PLK1: variants seen among roughly 807,000 people sequenced by gnomAD.
The protein encoded by PLK1 is serine/threonine-protein kinase PLK1.
In PLK1, 6 loss-of-function variants were observed where a neutral mutation model predicts 56.7. The observed-to-expected ratio is 0.11, with a 90% CI of 0.06 to 0.21. The LOEUF is 0.21. Ranked by LOEUF, PLK1 falls within the 10% of genes least tolerant of loss-of-function variation. The pLI is 1.00. For missense variants in PLK1, 546 were observed against 814.4 expected (o/e 0.67, Z 4.01); for synonymous variants, 298 against 325.0 (o/e 0.92, Z 0.89).
Position 23,690,159 on chromosome 16 carries a change from C to A in PLK1, c.*96C>A. 2.2e-6 allele frequency: 2 copies of A among 917,914 alleles called. No homozygotes were observed. Among genetic ancestry groups the A allele is most frequent in the Non-Finnish European group, 1.7e-6 (1 of 573,544 alleles). The allele number at this position is 917,914 out of a possible 1,614,324, so 56.9% of individuals were successfully genotyped here. A position where few individuals can be genotyped will look rare whatever the true frequency, so the allele number is the denominator to read the frequency against. On this transcript the variant is annotated 3_prime_UTR_variant, in exon 10 of 10. Coordinates refer to ENST00000300093, the MANE Select transcript of PLK1 (RefSeq NM_005030.6). ...CCCGCGGTGCCATGTCTGCAGTGTG[C>A]CCCCCAGCCCCGGTGGCTGGGCAGA...
chr16:23,682,779 G>A (rs1335233023), intron 4 of PLK1, among the ~76,000 whole-genome samples: 6 of 147,044 alleles, frequency 4.1e-5, no homozygotes, highest in East Asian at 2.1e-4. Context: ...TGATCCACCC[G>A]CCTTGGCCTC....
Position 23,683,892 on chromosome 16 carries a change from C to T in PLK1, c.839C>T (p.Ser280Phe). 3.1e-6 allele frequency: 5 copies of T among 1,614,100 alleles called. No homozygotes were observed. Among genetic ancestry groups the T allele is most frequent in the South Asian group, 2.2e-5 (2 of 91,084 alleles). The change falls in exon 5 of 10, where the codon TCC becomes TTC. Residue 280 changes from serine to phenylalanine, a missense_variant. By Grantham distance (155) the Ser-to-Phe change is radical (BLOSUM62 -2). Coordinates refer to ENST00000300093, the MANE Select transcript of PLK1 (RefSeq NM_005030.6). ...CAGCACATCAACCCCGTGGCCGCCT[C>T]CCTCATCCAGAAGATGCTTCAGACA... ...IPKHINPVAA[S>F]LIQKMLQTDP...
rs1232619224 is a variant in PLK1 at position 23,689,640 on chromosome 16, C to T, written c.1572C>T (p.His524=). 1.5e-5 allele frequency: 24 copies of T among 1,611,172 alleles called. No homozygotes were observed. Among genetic ancestry groups the T allele is most frequent in the Non-Finnish European group, 1.9e-5 (22 of 1,178,822 alleles). ...GCACCCGCAGCGCCATCATCCTGCACCTCAGCAACGGCAGCGTGCAGATCA... is the reference window on the plus strand; with the variant it reads ...GCACCCGCAGCGCCATCATCCTGCATCTCAGCAACGGCAGCGTGCAGATCA... ...WFRTRSAIIL[H]LSNGSVQINF... Residue 524 remains histidine (H), a synonymous_variant, in exon 9 of 10, where the codon CAC becomes CAT. Coordinates refer to ENST00000300093, the MANE Select transcript of PLK1 (RefSeq NM_005030.6). This position sits in a 1 kb window ranked among gnomAD's most constrained non-coding sequence, Gnocchi z 4.8.
chr16:23,688,554 G>A (rs1959468114), intron 6 of PLK1, 114 bp from the exon 7 acceptor site: 2 of 833,258 alleles, frequency 2.4e-6, no homozygotes, highest in Middle Eastern at 4.9e-4. Flanking sequence ...TCTCAACTGA[G>A]CCCAGGTGGG....
At chr16:23,685,548 A>G (rs756326073) in intron 5 of PLK1, among the ~76,000 whole-genome samples, 2 of 152,068 alleles carry the variant, frequency 1.3e-5, no homozygotes, top group African/African-American at 2.4e-5. Context: ...CTCTACTAAA[A>G]ATACAAAAGA....
chr16:23,681,201 C>A, intron 3 of PLK1, 143 bp downstream of exon 3: 1 of 752,302 alleles, frequency 1.3e-6, no homozygotes, highest in Non-Finnish European at 2.3e-6. Flanking sequence ...CCAAACAAAG[C>A]CTAATTGTCA....
Position 23,689,383 on chromosome 16 carries a change from G to T in PLK1, c.1416G>T (p.Leu472Phe). Residue 472 changes from leucine (L) to phenylalanine (F), a missense_variant, in exon 8 of 10, where the codon TTG becomes TTT. Leu to Phe is a conservative substitution (Grantham distance 22). Transcript: ENST00000300093. This position sits in a 1 kb window ranked among gnomAD's most constrained non-coding sequence, Gnocchi z 4.8. Reference protein sequence around the residue: ...YLTVSSHPNSLMKKITLLKYF... With the variant: ...YLTVSSHPNSFMKKITLLKYF... ...CCGTGAGTTCCCATCCCAACTCCTT[G>T]ATGAAGAAGGTGAGTGCCGTCCGGC... The T allele has an allele frequency of 3.1e-6, 5 of 1,609,444 alleles. No homozygotes were observed. Among genetic ancestry groups the T allele is most frequent in the Non-Finnish European group, 4.3e-6 (5 of 1,175,972 alleles).
At position 23,684,295 on chromosome 16, in the gene PLK1, C is replaced by A. The variant is rs369996744; in HGVS notation, c.1036+206C>A. 2.6e-5 allele frequency among the ~76,000 whole-genome samples: 4 copies of A among 152,158 alleles called. No individual in the cohort carries two copies. The East Asian group carries it at 5.8e-4, about 22-fold the overall frequency. On this transcript the variant is annotated intron_variant, in intron 5 of 9. Coordinates refer to ENST00000300093, the MANE Select transcript of PLK1 (RefSeq NM_005030.6). ...CCATGGCTGGATAAACGTACCATGC[C>A]CAAGAAGAAGAAAATGGATTGAATG...
In PLK1 at chr16:23,689,029, T is replaced by C. The variant is rs1170585179; in HGVS notation, c.1271-209T>C. Among the ~76,000 whole-genome samples the C allele has an allele frequency of 6.6e-6, 1 of 152,160 alleles. No homozygotes were observed. The highest frequency in any genetic ancestry group is 2.1e-4 in the South Asian group (1 of 4,826). ...CCCTAAGTAGCTGTGACTACAGGCG[T>C]GCACCATTATGCTCAGCTAATTTTT... is the stretch of plus-strand genomic sequence containing the variant. On this transcript the variant is annotated intron_variant, in intron 7 of 9. Transcript: ENST00000300093. This position sits in a 1 kb window ranked among gnomAD's most constrained non-coding sequence, Gnocchi z 4.8.
chr16:23,680,020 C>A, intron 1 of PLK1, 64 bp from the exon 2 acceptor site: 2 of 1,193,918 alleles, frequency 1.7e-6, no homozygotes, highest in Non-Finnish European at 2.5e-6. Flanking sequence ...TGGTAACCCT[C>A]TCCCTTCCCC....
In PLK1 at chr16:23,689,889, G is replaced by A. The variant is rs1195372058; in HGVS notation, c.1638G>A (p.Leu546=). 2 of 1,614,100 alleles carry A rather than the reference G, an allele frequency of 1.2e-6. No homozygotes were observed. The highest frequency in any genetic ancestry group is 1.7e-6 in the Non-Finnish European group (2 of 1,179,980). The part of the protein sequence containing the change: ...QDHTKLILCP[L]MAAVTYIDEK... ...ACACCAAGCTCATCTTGTGCCCACTGATGGCAGCCGTGACCTACATCGACG... is the reference window on the plus strand; with the variant it reads ...ACACCAAGCTCATCTTGTGCCCACTAATGGCAGCCGTGACCTACATCGACG... Residue 546 remains leucine, a synonymous_variant, in exon 10 of 10, where the codon CTG becomes CTA. Coordinates refer to ENST00000300093, the MANE Select transcript of PLK1 (RefSeq NM_005030.6). The surrounding 1 kb of genome is among the most constrained non-coding windows in gnomAD (Gnocchi z 4.8).
intron 5 of PLK1, 51 bp from the exon 6 acceptor site, chr16:23,687,418 C>CA: frequency 7.0e-7 from 1 of 1,422,708 alleles, no homozygotes; most frequent in Non-Finnish European, 9.4e-7. Context: ...TCAGCTGTGG[C>CA]AGGGGAGTCC....
Position 23,678,973 on chromosome 16 carries a change from C to T in PLK1, c.41C>T (p.Pro14Leu). ...ACTGCAGGGAAGCTGGCACGGGCAC[C>T]GGCCGACCCTGGGAAAGCCGGGGTC... ...AVTAGKLARA[P>L]ADPGKAGVPG... is the part of the protein sequence containing the mutation. Residue 14 changes from proline (P) to leucine (L), a missense_variant, in exon 1 of 10, where the codon CCG (proline) becomes CTG (leucine). Coordinates refer to ENST00000300093, the MANE Select transcript of PLK1 (RefSeq NM_005030.6). 3 of 1,587,118 alleles carry T rather than the reference C, an allele frequency of 1.9e-6. No individual in the cohort carries two copies. Among genetic ancestry groups the T allele is most frequent in the Non-Finnish European group, 2.6e-6 (3 of 1,167,338 alleles).
Position 23,679,256 on chromosome 16 carries a change from C to T in PLK1, c.324C>T (p.Leu108=), listed in dbSNP as rs143500319. Residue 108 remains leucine, a synonymous_variant, in exon 1 of 10, where the codon CTC becomes CTT. Transcript: ENST00000300093. ...TGGAAATATCCATTCACCGCAGCCT[C>T]GCCCACCAGCACGTCGTAGGATTCC... ...MSMEISIHRS[L]AHQHVVGFHG... 2 of 1,614,002 alleles carry T rather than the reference C, an allele frequency of 1.2e-6. No homozygotes were observed. The highest frequency in any genetic ancestry group is 2.7e-5 in the African/African-American group (2 of 74,944).
At chr16:23,679,941 A>C in intron 1 of PLK1, 143 bp from the exon 2 acceptor site, 1 of 611,112 alleles carries the variant, frequency 1.6e-6, no homozygotes, top group Non-Finnish European at 2.9e-6. Flanking sequence ...ATAGGGAAGG[A>C]GAGAAACCCA....
intron 6 of PLK1, 117 bp from the exon 7 acceptor site, chr16:23,688,551 T>A: frequency 2.4e-6 from 2 of 816,862 alleles, no homozygotes; most frequent in Non-Finnish European, 4.3e-6. Flanking sequence ...GCCTCTCAAC[T>A]GAGCCCAGGT....
intron 4 of PLK1, among the ~76,000 whole-genome samples, 190 bp downstream of exon 4, chr16:23,682,347 G>T (rs1196142728): frequency 6.6e-6 from 1 of 152,056 alleles, no homozygotes; most frequent in South Asian, 2.1e-4. Context: ...TTTTTCTAGG[G>T]GGAGAGAGTT....
rs201301705 is a variant in PLK1 at position 23,688,632 on chromosome 16, C to T, written c.1193-36C>T. ...GTGGAGCAGAGGGGAAGAGGCTGGT[C>T]CTGACCAACTAACTGTCTGTCTGTT... On this transcript the variant is annotated intron_variant, in intron 6 of 9. Transcript: ENST00000300093. 600 of 1,525,414 alleles carry T rather than the reference C, an allele frequency of 3.9e-4. No homozygotes were observed. In the African/African-American group the frequency reaches 7.6e-3, roughly 19 times the overall value. 94.5% of individuals were successfully genotyped at this position (1,525,414 alleles called of 1,614,324 possible). A position where few individuals can be genotyped will look rare whatever the true frequency, so the allele number is the denominator to read the frequency against.
At position 23,689,803 on chromosome 16, in the gene PLK1, C is replaced by T; in HGVS notation, c.1609-57C>T. On this transcript the variant is annotated intron_variant, in intron 9 of 9. Transcript: ENST00000300093. This position sits in a 1 kb window ranked among gnomAD's most constrained non-coding sequence, Gnocchi z 4.8. The stretch of plus-strand genomic sequence containing the variant: ...TATAACCTGTTGTGTCTTCCCTCTA[C>T]TCCCTAACATACACTGGCCTCTGGG... 6.5e-7 allele frequency: 1 copy of T among 1,548,092 alleles called. No individual in the cohort carries two copies. Among genetic ancestry groups the T allele is most frequent in the Non-Finnish European group, 8.9e-7 (1 of 1,123,158 alleles).
Sources: allele counts gnomAD v4.1 joint callset (sites outside exome capture counted in the v4.1 genomes callset), GRCh38; gene constraint gnomAD v4.1.1; non-coding constraint Gnocchi (gnomAD v3.1); transcripts MANE v1.5; gene names NCBI Gene and HGNC (gene_info 2026-07-23, HGNC 2026-07-21).